The following GATA4 variants were observed in gnomAD, a reference collection of about 807,000 sequenced individuals.
GATA4 encodes the protein transcription factor GATA-4.
Under a neutral mutation model 37.9 loss-of-function variants are expected in GATA4, and 7 were observed. The ratio of observed to expected loss-of-function variants is 0.18; its 90% CI spans 0.11 to 0.35. The LOEUF (loss-of-function observed/expected upper bound fraction) is 0.35. Ranked by LOEUF, GATA4 falls within the 10% of genes least tolerant of loss-of-function variation. The pLI, the probability that GATA4 is intolerant of heterozygous loss-of-function variation, is 1.00. For synonymous variants in GATA4, 372 were observed against 292.6 expected (o/e 1.27, Z -2.77); for missense variants, 647 against 653.0 (o/e 0.99, Z 0.10).
chr8:11,721,085 T>C (rs1444558028), intron 2 of GATA4, among the ~76,000 whole-genome samples: 1 of 151,746 alleles, frequency 6.6e-6, no homozygotes, highest in African/African-American at 2.4e-5. Context: ...ACTTAGAGCT[T>C]GCTAGGGGAG....
At chr8:11,740,542 G>C (rs1049277924) in intron 2 of GATA4, among the ~76,000 whole-genome samples, 1 of 152,228 alleles carries the variant, frequency 6.6e-6, no homozygotes, top group Non-Finnish European at 1.5e-5. Flanking sequence ...CTCTGGGACT[G>C]ATCGTAGCTT....
chr8:11,714,389 C>A (rs118180834), intron 2 of GATA4, among the ~76,000 whole-genome samples: 2 of 152,154 alleles, frequency 1.3e-5, no homozygotes, highest in African/African-American at 4.8e-5. Flanking sequence ...CAGTGAAAAA[C>A]CCCGAAGTGT....
At chr8:11,691,949 A>C (rs1361676702), upstream of GATA4, 1 of 930,572 alleles carries the variant, frequency 1.1e-6, no homozygotes, top group African/African-American at 1.8e-5. Context: ...TTCAGACCAT[A>C]AATGCTCCAT....
At chr8:11,720,029 T>C (rs1021075824) in intron 2 of GATA4, among the ~76,000 whole-genome samples, 2 of 151,876 alleles carry the variant, frequency 1.3e-5, no homozygotes, top group African/African-American at 4.8e-5. Flanking sequence ...TGAAAAGGGG[T>C]GACCCAAGAT....
At chr8:11,729,551 G>C (rs572905966) in intron 2 of GATA4, among the ~76,000 whole-genome samples, 1 of 109,974 alleles carries the variant, frequency 9.1e-6, no homozygotes, top group African/African-American at 3.2e-5. Context: ...GCGAGACTGT[G>C]TCTCAAAAAA....
At chr8:11,681,585 A>C in intron 1 of GATA4, 1 of 473,124 alleles carries the variant, frequency 2.1e-6, no homozygotes, top group Non-Finnish European at 2.8e-6. Context: ...CCTCCACCCC[A>C]CTCGCTGTTC....
intron 2 of GATA4, among the ~76,000 whole-genome samples, chr8:11,740,454 C>T (rs941798841): frequency 6.6e-6 from 1 of 152,210 alleles, no homozygotes; most frequent in African/African-American, 2.4e-5. Flanking sequence ...AGAGGAGAAC[C>T]TTGTCCCAGG....
intron 2 of GATA4, among the ~76,000 whole-genome samples, chr8:11,738,116 G>A (rs1274110816): frequency 6.6e-6 from 1 of 151,404 alleles, no homozygotes; most frequent in Non-Finnish European, 1.5e-5. Flanking sequence ...GGGAGGTGGA[G>A]GTTGCAGTGA....
rs748517048 is a variant in GATA4 at position 11,756,973 on chromosome 8, G to C, written c.1039G>C (p.Ala347Pro). The C allele has an allele frequency of 6.2e-7, 1 of 1,614,226 alleles. No homozygotes were observed. Among genetic ancestry groups the C allele is most frequent in the South Asian group, 1.1e-5 (1 of 91,090 alleles). ...GSESLPPASG[A>P]SSNSSNATTS... is the part of the protein sequence containing the mutation. ...TGAGAGCCTTCCTCCCGCCAGCGGTGCTTCCAGCAACTCCAGCAACGCCAC... is the reference window on the plus strand; with the variant it reads ...TGAGAGCCTTCCTCCCGCCAGCGGTCCTTCCAGCAACTCCAGCAACGCCAC... The change falls in exon 6 of 7, where the codon GCT becomes CCT. Residue 347 changes from alanine to proline, a missense_variant. By Grantham distance (27) the Ala-to-Pro change is conservative. Coordinates refer to ENST00000532059, the MANE Select transcript of GATA4 (RefSeq NM_001308093.3).
upstream of GATA4, chr8:11,692,535 A>G: frequency 2.0e-6 from 2 of 985,444 alleles, no homozygotes; most frequent in Middle Eastern, 5.2e-4. Flanking sequence ...GCTCATGCGG[A>G]TCTAGATTGA....
intron 1 of GATA4, chr8:11,680,362 G>T: frequency 2.1e-6 from 1 of 483,052 alleles, no homozygotes; most frequent in Non-Finnish European, 2.7e-6. Flanking sequence ...ATCTCTGCAA[G>T]TAACTAACCA....
intron 1 of GATA4, among the ~76,000 whole-genome samples, chr8:11,685,076 A>G (rs745862938): frequency 6.6e-6 from 1 of 152,238 alleles, no homozygotes; most frequent in Non-Finnish European, 1.5e-5. Flanking sequence ...TAATTTGACA[A>G]GGACGCACCA....
intron 6 of GATA4, 121 bp downstream of exon 6, chr8:11,757,204 A>G: frequency 7.0e-7 from 1 of 1,421,258 alleles, no homozygotes; most frequent in Non-Finnish European, 9.5e-7. Flanking sequence ...GCAGTGAGCT[A>G]CCCTCTGCGC....
chr8:11,740,699 C>T (rs1801691655), intron 2 of GATA4, among the ~76,000 whole-genome samples: 2 of 151,790 alleles, frequency 1.3e-5, no homozygotes, highest in Middle Eastern at 6.9e-3. Flanking sequence ...GAGCTCACTG[C>T]AGTCTTTCAG....
At chr8:11,755,867 C>T (rs1268883819) in intron 5 of GATA4, among the ~76,000 whole-genome samples, 1 of 151,034 alleles carries the variant, frequency 6.6e-6, no homozygotes, top group African/African-American at 2.4e-5. Context: ...TATGATCGTG[C>T]CACTGCACTT....
intron 2 of GATA4, among the ~76,000 whole-genome samples, chr8:11,741,338 G>A (rs942716774): frequency 6.6e-6 from 1 of 152,064 alleles, no homozygotes; most frequent in Non-Finnish European, 1.5e-5. Context: ...AATTAGCTGA[G>A]CGTGGTGGTG....
chr8:11,739,325 A>G (rs1449787116), intron 2 of GATA4, among the ~76,000 whole-genome samples: 1 of 152,182 alleles, frequency 6.6e-6, no homozygotes, highest in Non-Finnish European at 1.5e-5. Flanking sequence ...TTCCTCTACC[A>G]TTGGGCGTTT....
Position 11,749,407 on chromosome 8 carries a change from G to A in GATA4, c.786+322G>A, listed in dbSNP as rs1202649139. 6.6e-6 allele frequency among the ~76,000 whole-genome samples: 1 copy of A among 152,146 alleles called. No homozygotes were observed. The highest frequency in any genetic ancestry group is 1.5e-5 in the Non-Finnish European group (1 of 68,020). The stretch of plus-strand genomic sequence containing the variant: ...TCCAGGTTTCCTGGTTCCCAGTCCA[G>A]TGTTGACTGGAGTGTCTCCTCCACC... On this transcript the variant is annotated intron_variant, in intron 3 of 6. Transcript: ENST00000532059. The surrounding 1 kb of genome is among the most constrained non-coding windows in gnomAD (Gnocchi z 4.6).
Position 11,758,693 on chromosome 8 carries a change from C to T in GATA4, c.*218C>T, listed in dbSNP as rs1023296405. ...GCTGATGGGACTGGAGGGAGCCCAC[C>T]CTTCAGCACGAGCACACTGCATCTC... On this transcript the variant is annotated 3_prime_UTR_variant, in exon 7 of 7. Coordinates refer to ENST00000532059, the MANE Select transcript of GATA4 (RefSeq NM_001308093.3). 2.0e-5 allele frequency: 12 copies of T among 601,152 alleles called. No homozygotes were observed. The highest frequency in any genetic ancestry group is 1.5e-4 in the African/African-American group (8 of 54,314). 37.2% of individuals were successfully genotyped at this position (601,152 alleles called of 1,614,324 possible). A position where few individuals can be genotyped will look rare whatever the true frequency, so the allele number is the denominator to read the frequency against.
Sources: allele counts gnomAD v4.1 joint callset (sites outside exome capture counted in the v4.1 genomes callset), GRCh38; gene constraint gnomAD v4.1.1; non-coding constraint Gnocchi (gnomAD v3.1); transcripts MANE v1.5; gene names NCBI Gene and HGNC (gene_info 2026-07-23, HGNC 2026-07-21).